LEF1: variants seen among roughly 807,000 people sequenced by gnomAD.
The protein encoded by LEF1 is lymphoid enhancer binding factor 1.
A neutral mutation model predicts 51.2 loss-of-function variants in LEF1; 14 were observed. The observed-to-expected ratio is 0.27, with a 90% CI of 0.18 to 0.43. The LOEUF (loss-of-function observed/expected upper bound fraction) is 0.43, where lower values mean the gene tolerates loss of function less well. Ranked by LOEUF, LEF1 falls within the 20% of genes least tolerant of loss-of-function variation. The pLI, the probability that LEF1 is intolerant of heterozygous loss-of-function variation, is 1.00. For missense variants in LEF1, 386 were observed against 512.0 expected (o/e 0.75, Z 2.37); for synonymous variants, 185 against 183.2 (o/e 1.01, Z -0.08).
chr4:108,090,489 GCTTA>G (rs1286039371), intron 3 of LEF1, among the ~76,000 whole-genome samples: 7 of 152,022 alleles, frequency 4.6e-5, no homozygotes, highest in Non-Finnish European at 1.5e-5. Context: ...ACCCAAAAGT[GCTTA>G]CTAAGTAATT....
intron 3 of LEF1, among the ~76,000 whole-genome samples, chr4:108,095,127 G>C (rs189407814): frequency 1.3e-5 from 2 of 152,234 alleles, no homozygotes; most frequent in Admixed American, 1.3e-4. Flanking sequence ...TTTCAGATAA[G>C]AACGAGGCCC....
At chr4:108,108,905 T>C (rs553975084) in intron 3 of LEF1, among the ~76,000 whole-genome samples, 1 of 152,210 alleles carries the variant, frequency 6.6e-6, no homozygotes, top group African/African-American at 2.4e-5. Flanking sequence ...AGTTGACTTA[T>C]GTGTGTATTT....
chr4:108,083,618 T>C (rs1578321973), intron 4 of LEF1, among the ~76,000 whole-genome samples, 172 bp from the exon 5 acceptor site: 1 of 152,352 alleles, frequency 6.6e-6, no homozygotes, highest in East Asian at 1.9e-4. Flanking sequence ...TTTCAACATC[T>C]GGGAAAACTG....
At chr4:108,165,296 G>GACAT in intron 1 of LEF1, 133 bp from the exon 2 acceptor site, 1 of 766,770 alleles carries the variant, frequency 1.3e-6, no homozygotes, top group Non-Finnish European at 2.3e-6. Context: ...TACTCTGAGA[G>GACAT]ACATACGCTA....
intron 6 of LEF1, among the ~76,000 whole-genome samples, 183 bp downstream of exon 6, chr4:108,081,403 C>CAT: frequency 6.6e-6 from 1 of 151,648 alleles, no homozygotes; most frequent in Admixed American, 6.6e-5. Context: ...CGGGGCACAG[C>CAT]GCAGAGCTCC....
chr4:108,078,127 T>C, intron 8 of LEF1, 93 bp downstream of exon 8: 1 of 1,175,882 alleles, frequency 8.5e-7, no homozygotes, highest in Non-Finnish European at 1.2e-6. Flanking sequence ...AAACACATTC[T>C]ATGACCACCT....
intron 3 of LEF1, among the ~76,000 whole-genome samples, chr4:108,149,198 G>T (rs1371409487): frequency 1.3e-5 from 2 of 152,060 alleles, no homozygotes; most frequent in Non-Finnish European, 2.9e-5. Context: ...GGTGGCTCAC[G>T]CCTGTAATCC....
intron 11 of LEF1, among the ~76,000 whole-genome samples, chr4:108,054,301 G>T (rs1170495168): frequency 6.6e-6 from 1 of 152,236 alleles, no homozygotes; most frequent in Non-Finnish European, 1.5e-5. Context: ...TGCAGAGCCG[G>T]GCGAGTGCAG....
rs193263886 is a variant in LEF1 at position 108,062,242 on chromosome 4, C to T, written c.*6+1381G>A. Among the ~76,000 whole-genome samples the T allele has an allele frequency of 1.9e-3, 287 of 152,258 alleles. 1 individual carries two copies. Among genetic ancestry groups the T allele is most frequent in the South Asian group, 3.7e-3 (18 of 4,814 alleles). ...GGGCAAGTTGTTTGAAACCTCAGCA[C>T]CAAAATTAAGTTCTAAAAGTTTAGG... On this transcript the variant is annotated intron_variant, in intron 11 of 11. Transcript: ENST00000265165.
At chr4:108,130,729 C>CA (rs567555795) in intron 3 of LEF1, among the ~76,000 whole-genome samples, 6,074 of 98,892 alleles carry the variant, frequency 0.061, 133 homozygotes, top group Middle Eastern at 0.15. Flanking sequence ...GACTCCGACT[C>CA]AAAAAAAAAA....
Position 108,110,865 on chromosome 4 carries a change from T to C in LEF1, c.415-21608A>G, listed in dbSNP as rs897714477. Among the ~76,000 whole-genome samples the C allele has an allele frequency of 2.6e-5, 4 of 152,238 alleles. No individual in the cohort carries two copies. In the East Asian group the frequency reaches 7.7e-4, roughly 29 times the overall value. On this transcript the variant is annotated intron_variant, in intron 3 of 11. Transcript: ENST00000265165. ...TGCAATCTTTCCTATTATTTCAAAC[T>C]TTGAGTAGGTCCTAGAACCATAATA...
chr4:108,069,699 G>C (rs1560765871), intron 9 of LEF1, among the ~76,000 whole-genome samples: 1 of 152,198 alleles, frequency 6.6e-6, no homozygotes, highest in Non-Finnish European at 1.5e-5. Context: ...GCTCATGCCT[G>C]TAATCCCAGC....
chr4:108,150,173 C>A (rs1349004554), intron 3 of LEF1, among the ~76,000 whole-genome samples: 1 of 152,186 alleles, frequency 6.6e-6, no homozygotes, highest in Non-Finnish European at 1.5e-5. Context: ...AAAAATGAAG[C>A]ACATACCACA....
intron 3 of LEF1, among the ~76,000 whole-genome samples, chr4:108,107,305 T>C (rs1197155257): frequency 6.6e-6 from 1 of 151,150 alleles, no homozygotes; most frequent in African/African-American, 2.4e-5. Context: ...ATCACACAGA[T>C]CTAGCAGCCT....
chr4:108,055,377 AAT>A (rs1737250080), intron 11 of LEF1, among the ~76,000 whole-genome samples: 1 of 152,254 alleles, frequency 6.6e-6, no homozygotes, highest in Non-Finnish European at 1.5e-5. Flanking sequence ...ACTGTAAAAT[AAT>A]GGCATGAGGT....
intron 3 of LEF1, among the ~76,000 whole-genome samples, chr4:108,158,384 G>A (rs892811944): frequency 3.3e-5 from 5 of 151,782 alleles, no homozygotes; most frequent in African/African-American, 1.2e-4. Flanking sequence ...CAGCTTCAAA[G>A]AGGACAAGTT....
chr4:108,157,214 A>G (rs910315693), intron 3 of LEF1, among the ~76,000 whole-genome samples: 4 of 147,694 alleles, frequency 2.7e-5, no homozygotes, highest in South Asian at 2.1e-4. Flanking sequence ...ACACACACAC[A>G]CACACAAACA....
At chr4:108,080,258 A>C (rs1739194687) in intron 6 of LEF1, among the ~76,000 whole-genome samples, 1 of 152,234 alleles carries the variant, frequency 6.6e-6, no homozygotes, top group African/African-American at 2.4e-5. Context: ...CATTAAAAAA[A>C]ATCTTAAAAT....
intron 3 of LEF1, among the ~76,000 whole-genome samples, chr4:108,091,806 A>C (rs1431707589): frequency 6.6e-6 from 1 of 152,200 alleles, no homozygotes; most frequent in Non-Finnish European, 1.5e-5. Context: ...GGAGGAGTTT[A>C]TTATGAACTC....
Sources: allele counts gnomAD v4.1 joint callset (sites outside exome capture counted in the v4.1 genomes callset), GRCh38; gene constraint gnomAD v4.1.1; transcripts MANE v1.5; gene names NCBI Gene and HGNC (gene_info 2026-07-23, HGNC 2026-07-21).